The following TNKS variants were observed in gnomAD, a reference collection of about 807,000 sequenced individuals.
TNKS encodes tankyrase.
TNKS carries 72 observed loss-of-function variants against 135.8 expected under a neutral mutation model. The ratio of observed to expected loss-of-function variants is 0.53; its 90% confidence interval spans 0.44 to 0.64. The LOEUF is 0.64. Among genes scored for constraint, TNKS ranks in the 30% least tolerant of loss-of-function variants. The pLI, the probability that TNKS is intolerant of heterozygous loss-of-function variation, is 0.00. For synonymous variants in TNKS, 849 were observed against 649.3 expected (o/e 1.31, Z -4.68); for missense variants, 1,769 against 1,674.0 (o/e 1.06, Z -0.99).
chr8:9,759,714 C>T (rs2128832638), intron 20 of TNKS, among the ~76,000 whole-genome samples: 1 of 152,258 alleles, frequency 6.6e-6, no homozygotes, highest in South Asian at 2.1e-4. Flanking sequence ...GTGGCTCACG[C>T]CTGTAATCCC....
intron 6 of TNKS, among the ~76,000 whole-genome samples, 175 bp downstream of exon 6, chr8:9,704,932 C>T (rs1803980076): frequency 1.3e-5 from 2 of 152,152 alleles, no homozygotes; most frequent in South Asian, 2.1e-4. Context: ...ATTAAGGATA[C>T]TTCTCATAAT....
chr8:9,770,231 A>G lies in TNKS; in HGVS notation c.3866A>G (p.Tyr1289Cys). 1 of 1,613,402 alleles carries G rather than the reference A, an allele frequency of 6.2e-7. No homozygotes were observed. Among genetic ancestry groups the G allele is most frequent in the Non-Finnish European group, 8.5e-7 (1 of 1,179,924 alleles). The change falls in exon 26 of 27, where the codon TAT (tyrosine) becomes TGT (cysteine). Residue 1289 changes from tyrosine (Y) to cysteine (C), a missense_variant. Around this residue, in one of 5 missense-constraint regions of TNKS, gnomAD observed 722 missense variants for 688.9 expected, o/e 1.05. Transcript: ENST00000310430. ...AGACCGAGCGTCAATGGGCTGGCAT[A>G]TGCTGAATATGTCATCTACAGAGGA... ...IGRPSVNGLAYAEYVIYRGEQ... is the reference protein window; with the variant it reads ...IGRPSVNGLACAEYVIYRGEQ...
Position 9,664,728 on chromosome 8 carries a change from C to T in TNKS, c.995-15223C>T, listed in dbSNP as rs183048652. On this transcript the variant is annotated intron_variant, in intron 3 of 26. Coordinates refer to ENST00000310430, the MANE Select transcript of TNKS (RefSeq NM_003747.3). ...CTAATGAAGATCAGAAAATAAAAAACGCATGCATGTGTAATTTAAGTTCAA... is the reference window on the plus strand; with the variant it reads ...CTAATGAAGATCAGAAAATAAAAAATGCATGCATGTGTAATTTAAGTTCAA... Among the ~76,000 whole-genome samples the T allele has an allele frequency of 4.4e-3, 664 of 152,228 alleles. 3 individuals carry two copies. Among genetic ancestry groups the T allele is most frequent in the Non-Finnish European group, 5.9e-3 (403 of 68,010 alleles).
intron 23 of TNKS, among the ~76,000 whole-genome samples, chr8:9,765,396 T>TTAAG (rs1310192363): frequency 1.3e-5 from 2 of 152,108 alleles, no homozygotes; most frequent in Non-Finnish European, 1.5e-5. Flanking sequence ...CTAAAATGTA[T>TTAAG]TAAGTCTGGG....
At chr8:9,609,680 A>C (rs887868499) in intron 2 of TNKS, among the ~76,000 whole-genome samples, 3 of 152,024 alleles carry the variant, frequency 2.0e-5, no homozygotes, top group African/African-American at 7.2e-5. Context: ...TGATTTTAGA[A>C]GTTGTGTTTT....
rs1303443622 is a variant in TNKS, at chr8:9,776,681, T to C, written c.3929T>C (p.Ile1310Thr). The C allele has an allele frequency of 6.2e-7, 1 of 1,614,000 alleles. No individual in the cohort carries two copies. Among genetic ancestry groups the C allele is most frequent in the Non-Finnish European group, 8.5e-7 (1 of 1,179,916 alleles). ...AYPEYLITYQIMKPEAPSQTA... is the reference protein window; with the variant it reads ...AYPEYLITYQTMKPEAPSQTA... ...CCAGAGTATCTTATCACTTACCAGA[T>C]CATGAAGCCAGAAGCCCCTTCCCAG... Residue 1310 changes from isoleucine (I) to threonine (T), a missense_variant, in exon 27 of 27, where the codon ATC becomes ACC. By Grantham distance (89) the Ile-to-Thr change is moderately conservative. Coordinates refer to ENST00000310430, the MANE Select transcript of TNKS (RefSeq NM_003747.3).
chr8:9,774,872 A>T (rs1170768638), intron 26 of TNKS, among the ~76,000 whole-genome samples: 1 of 152,160 alleles, frequency 6.6e-6, no homozygotes, highest in East Asian at 1.9e-4. Flanking sequence ...CATAGAAAGT[A>T]TTATAGATAT....
At chr8:9,575,454 A>G in intron 1 of TNKS, 1 of 982,526 alleles carries the variant, frequency 1.0e-6, no homozygotes, top group Non-Finnish European at 1.2e-6. Flanking sequence ...TTATACTAAC[A>G]AATAGACAAA....
intron 2 of TNKS, among the ~76,000 whole-genome samples, chr8:9,584,135 G>T (rs985869600): frequency 3.6e-5 from 5 of 139,186 alleles, no homozygotes; most frequent in Non-Finnish European, 7.6e-5. Flanking sequence ...CTGCACTCCA[G>T]TCTGGGTGAC....
At chr8:9,751,905 C>CT (rs2128828547) in intron 19 of TNKS, 59 bp downstream of exon 19, 20 of 1,510,456 alleles carry the variant, frequency 1.3e-5, no homozygotes, top group Admixed American at 1.7e-5. Flanking sequence ...AGCAGAATGA[C>CT]TTTTTTCTAT....
intron 13 of TNKS, 106 bp from the exon 14 acceptor site, chr8:9,730,784 A>T: frequency 7.9e-7 from 1 of 1,261,148 alleles, no homozygotes; most frequent in East Asian, 2.4e-5. Context: ...TATTCATTAG[A>T]CAATTATAAT....
At chr8:9,733,675 A>T (rs908142479) in intron 15 of TNKS, among the ~76,000 whole-genome samples, 1 of 152,174 alleles carries the variant, frequency 6.6e-6, no homozygotes, top group Non-Finnish European at 1.5e-5. Flanking sequence ...TCATCAAAGT[A>T]GGTTTTAGAA....
chr8:9,562,123 A>G (rs1262466906), intron 1 of TNKS, among the ~76,000 whole-genome samples: 1 of 151,862 alleles, frequency 6.6e-6, no homozygotes, highest in Non-Finnish European at 1.5e-5. Flanking sequence ...GGCCTTATAT[A>G]TCTTTTATGA....
In TNKS at chr8:9,779,309, T is replaced by G. The variant is rs1390452726; in HGVS notation, c.*2573T>G. On this transcript the variant is annotated 3_prime_UTR_variant, in exon 27 of 27. Transcript: ENST00000310430. Reference sequence around the variant, plus strand: ...CCTTTCCAATATAAAAGCATGGCATTAAATTAGGCTGAAGTCTTTTATTTT... The same window carrying G: ...CCTTTCCAATATAAAAGCATGGCATGAAATTAGGCTGAAGTCTTTTATTTT... 1 of 152,616 alleles carries G rather than the reference T, an allele frequency of 6.6e-6. No homozygotes were observed. Among genetic ancestry groups the G allele is most frequent in the Non-Finnish European group, 1.5e-5 (1 of 68,036 alleles). The allele number at this position is 152,616 out of a possible 1,614,324, so 9.5% of individuals were successfully genotyped here. A position where few individuals can be genotyped will look rare whatever the true frequency, so the allele number is the denominator to read the frequency against.
chr8:9,607,021 G>A (rs867736118), intron 2 of TNKS, among the ~76,000 whole-genome samples: 2 of 152,050 alleles, frequency 1.3e-5, no homozygotes, highest in Non-Finnish European at 2.9e-5. Context: ...GCTTATTCTA[G>A]GGGACAAGTT....
At chr8:9,744,467 T>A (rs1247944095) in intron 17 of TNKS, among the ~76,000 whole-genome samples, 1 of 152,334 alleles carries the variant, frequency 6.6e-6, no homozygotes, top group African/African-American at 2.4e-5. Context: ...GCCAAGCATG[T>A]TTCTCTTTCC....
chr8:9,677,380 C>T (rs758982140), intron 3 of TNKS, among the ~76,000 whole-genome samples: 2 of 152,120 alleles, frequency 1.3e-5, no homozygotes, highest in Non-Finnish European at 2.9e-5. Flanking sequence ...CATCAATAAA[C>T]TATGCTTGAT....
rs1020501930 is a variant in TNKS, at chr8:9,778,886, C to A, written c.*2150C>A. On this transcript the variant is annotated 3_prime_UTR_variant, in exon 27 of 27. Coordinates refer to ENST00000310430, the MANE Select transcript of TNKS (RefSeq NM_003747.3). ...TTTATGGCTTCATTAAAAAGATAAA[C>A]CACTACCTAACTGTGGTTGTATGTT... 4.6e-5 allele frequency: 7 copies of A among 152,132 alleles called. No individual in the cohort carries two copies. Among genetic ancestry groups the A allele is most frequent in the Non-Finnish European group, 1.0e-4 (7 of 68,022 alleles). The allele number at this position is 152,132 out of a possible 1,614,324, so 9.4% of individuals were successfully genotyped here. A position where few individuals can be genotyped will look rare whatever the true frequency, so the allele number is the denominator to read the frequency against.
chr8:9,673,536 C>T (rs1200765519), intron 3 of TNKS, among the ~76,000 whole-genome samples: 2 of 150,674 alleles, frequency 1.3e-5, no homozygotes, highest in African/African-American at 4.9e-5. Flanking sequence ...CCTCTGCCTC[C>T]CAGGTTTAAG....
Sources: allele counts gnomAD v4.1 joint callset (sites outside exome capture counted in the v4.1 genomes callset), GRCh38; gene constraint gnomAD v4.1.1; regional missense constraint gnomAD v4.1.1; transcripts MANE v1.5; gene names NCBI Gene and HGNC (gene_info 2026-07-23, HGNC 2026-07-21).